DPYD: variants seen among roughly 807,000 people sequenced by gnomAD.
DPYD encodes the protein dihydropyrimidine dehydrogenase, also known as dihydropyrimidine dehydrogenase [NADP(+)].
Under a neutral mutation model 116.2 loss-of-function variants are expected in DPYD, and 109 were observed. That is an observed-to-expected ratio of 0.94 (90% CI 0.80 to 1.10). The LOEUF (loss-of-function observed/expected upper bound fraction) is 1.10, where lower values mean the gene tolerates loss of function less well. Among genes scored for constraint, DPYD ranks in the 50% least tolerant of loss-of-function variants. The probability of loss-of-function intolerance (pLI) is 0.00; values close to 1 mark genes in which losing one functional copy is unlikely to be tolerated. For synonymous variants in DPYD, 440 were observed against 432.0 expected (o/e 1.02, Z -0.23); for missense variants, 1,302 against 1,254.5 (o/e 1.04, Z -0.57).
intron 3 of DPYD, 134 bp from the exon 4 acceptor site, chr1:97,740,613 T>C: frequency 1.3e-6 from 1 of 770,214 alleles, no homozygotes; most frequent in South Asian, 1.6e-5. Flanking sequence ...AAAACATTTT[T>C]AAGCAATAAA....
At chr1:97,190,326 T>C (rs1034459303) in intron 20 of DPYD, among the ~76,000 whole-genome samples, 3 of 152,192 alleles carry the variant, frequency 2.0e-5, no homozygotes, top group East Asian at 1.9e-4. Context: ...CACTGTTCTA[T>C]TGCTATTCTC....
intron 7 of DPYD, among the ~76,000 whole-genome samples, chr1:97,685,790 CT>C (rs1660694240): frequency 6.6e-6 from 1 of 152,072 alleles, no homozygotes; most frequent in African/African-American, 2.4e-5. Flanking sequence ...AGTGAAAAAC[CT>C]CTTCAAGAAG....
At chr1:97,743,517 C>T (rs575924172) in intron 3 of DPYD, among the ~76,000 whole-genome samples, 34 of 152,114 alleles carry the variant, frequency 2.2e-4, no homozygotes, top group African/African-American at 7.9e-4. Context: ...TAGTGTTGAC[C>T]TATTTTTCTA....
chr1:97,720,867 G>A, intron 5 of DPYD: 1 of 1,608,826 alleles, frequency 6.2e-7, no homozygotes, highest in South Asian at 1.1e-5. Context: ...GAGCCCAAGA[G>A]TGTCTGAAGA....
intron 13 of DPYD, among the ~76,000 whole-genome samples, chr1:97,514,043 A>T (rs951518369): frequency 6.6e-6 from 1 of 151,770 alleles, no homozygotes; most frequent in Admixed American, 6.6e-5. Flanking sequence ...TTTCCAAAAA[A>T]CCCCGCATGG....
intron 6 of DPYD, among the ~76,000 whole-genome samples, chr1:97,694,329 A>G (rs377519812): frequency 3.9e-5 from 6 of 152,244 alleles, no homozygotes; most frequent in Admixed American, 2.6e-4. Flanking sequence ...GGATGAAGTC[A>G]GCAAATAGAC....
intron 16 of DPYD, among the ~76,000 whole-genome samples, chr1:97,354,395 G>A (rs538690039): frequency 1.3e-5 from 2 of 152,238 alleles, no homozygotes; most frequent in South Asian, 4.1e-4. Flanking sequence ...AACTCCTATA[G>A]TAAAACGCAA....
chr1:97,822,234 C>CTATATA (rs1279015731), intron 3 of DPYD, among the ~76,000 whole-genome samples: 34 of 148,446 alleles, frequency 2.3e-4, no homozygotes, highest in African/African-American at 7.7e-4. Context: ...CTCTCTCTCT[C>CTATATA]TCTATATATA....
chr1:97,759,896 TTAAA>T (rs1275308104), intron 3 of DPYD, among the ~76,000 whole-genome samples: 1 of 152,152 alleles, frequency 6.6e-6, no homozygotes, highest in South Asian at 2.1e-4. Flanking sequence ...CAGCAAATAC[TTAAA>T]TATCCATTTA....
chr1:97,254,844 G>T (rs1305551592), intron 18 of DPYD, among the ~76,000 whole-genome samples: 29 of 152,076 alleles, frequency 1.9e-4, no homozygotes, highest in Admixed American at 1.8e-3. Flanking sequence ...AAGAAGAAAA[G>T]ATCTCACTTG....
Position 97,573,741 on chromosome 1 carries a change from T to C in DPYD, c.1339+19A>G, listed in dbSNP as rs2102181827. 6 of 1,613,252 alleles carry C rather than the reference T, an allele frequency of 3.7e-6. No individual in the cohort carries two copies. The highest frequency in any genetic ancestry group is 5.1e-6 in the Non-Finnish European group (6 of 1,179,402). ...ATAACAGACAATTGCATCACACATT[T>C]CAGCTCCCAGCACTGTACCTTTAGG... On this transcript the variant is annotated intron_variant, in intron 11 of 22. Coordinates refer to ENST00000370192, the MANE Select transcript of DPYD (RefSeq NM_000110.4).
intron 17 of DPYD, among the ~76,000 whole-genome samples, chr1:97,305,716 T>C (rs1417918814): frequency 1.3e-5 from 2 of 151,990 alleles, no homozygotes; most frequent in Non-Finnish European, 2.9e-5. Flanking sequence ...GATTTTTGTA[T>C]TCAACAGATA....
chr1:97,139,363 A>G (rs546920150), intron 20 of DPYD, among the ~76,000 whole-genome samples: 1 of 152,308 alleles, frequency 6.6e-6, no homozygotes, highest in African/African-American at 2.4e-5. Context: ...ATAAAAATAA[A>G]AAAAAATTTA....
At chr1:97,536,517 TGTTTTTATCTGAAGCA>T (rs1303362213) in intron 12 of DPYD, among the ~76,000 whole-genome samples, 1 of 152,236 alleles carries the variant, frequency 6.6e-6, no homozygotes, top group Non-Finnish European at 1.5e-5. Flanking sequence ...TTGATAAGAT[TGTTTTTATCTGAAGCA>T]GTAGAGGATT....
At chr1:97,448,041 T>C (rs935388834) in intron 14 of DPYD, among the ~76,000 whole-genome samples, 3 of 151,988 alleles carry the variant, frequency 2.0e-5, no homozygotes, top group African/African-American at 4.8e-5. Context: ...CTGGGCAACA[T>C]AGCGAGACAT....
At chr1:97,486,723 T>A (rs1678662177) in intron 13 of DPYD, among the ~76,000 whole-genome samples, 1 of 152,152 alleles carries the variant, frequency 6.6e-6, no homozygotes, top group Admixed American at 6.5e-5. Context: ...CATTGGGATA[T>A]TTTCATTAAT....
intron 4 of DPYD, among the ~76,000 whole-genome samples, chr1:97,735,527 A>G (rs1341989601): frequency 2.7e-5 from 4 of 150,002 alleles, no homozygotes; most frequent in African/African-American, 9.8e-5. Flanking sequence ...ATACAAAAAA[A>G]AAAAAAAAAA....
intron 3 of DPYD, among the ~76,000 whole-genome samples, chr1:97,747,379 A>C (rs552796906): frequency 1.3e-5 from 2 of 152,176 alleles, no homozygotes; most frequent in Admixed American, 1.3e-4. Flanking sequence ...CCATAGATAA[A>C]AGCTCTGCTT....
intron 18 of DPYD, among the ~76,000 whole-genome samples, chr1:97,267,758 C>T (rs973437441): frequency 7.2e-5 from 11 of 152,128 alleles, no homozygotes; most frequent in African/African-American, 2.7e-4. Flanking sequence ...AAGCTTCCAA[C>T]AAATGCTTTT....
Sources: allele counts gnomAD v4.1 joint callset (sites outside exome capture counted in the v4.1 genomes callset), GRCh38; gene constraint gnomAD v4.1.1; transcripts MANE v1.5; gene names NCBI Gene and HGNC (gene_info 2026-07-23, HGNC 2026-07-21).